The following CCDC50 variants were observed in gnomAD, a reference collection of about 807,000 sequenced individuals.
CCDC50 encodes the protein coiled-coil domain containing 50, also known as coiled-coil domain-containing protein 50.
In CCDC50, 54 loss-of-function variants were observed where a neutral mutation model predicts 70.2. That is an observed-to-expected ratio of 0.77 (90% CI 0.62 to 0.96). CCDC50 has a LOEUF of 0.96. Ranked by LOEUF, CCDC50 falls within the 50% of genes least tolerant of loss-of-function variation. The pLI, the probability that CCDC50 is intolerant of heterozygous loss-of-function variation, is 0.00. For missense variants in CCDC50, 558 were observed against 578.7 expected, an observed-to-expected ratio of 0.96 and a Z score of 0.37; for synonymous variants, 216 against 198.8, an observed-to-expected ratio of 1.09 and a Z score of -0.73.
At chr3:191,372,734 T>C (rs892738451) in intron 5 of CCDC50, among the ~76,000 whole-genome samples, 10 of 152,130 alleles carry the variant, frequency 6.6e-5, no homozygotes, top group African/African-American at 2.2e-4. Flanking sequence ...TCAAATGATA[T>C]ATATTATTTA....
chr3:191,356,356 A>G (rs1272960097), intron 1 of CCDC50, among the ~76,000 whole-genome samples: 1 of 152,178 alleles, frequency 6.6e-6, no homozygotes, highest in Non-Finnish European at 1.5e-5. Context: ...CAGGTCAGGA[A>G]ATGCCCTTGC....
In CCDC50 at chr3:191,380,745, T is replaced by G. The variant is rs1179824912; in HGVS notation, c.1137+14T>G. 1 of 1,612,324 alleles carries G rather than the reference T, an allele frequency of 6.2e-7. No homozygotes were observed. The highest frequency in any genetic ancestry group is 1.1e-5 in the South Asian group (1 of 90,970). On this transcript the variant is annotated intron_variant, in intron 8 of 11. Transcript: ENST00000392455. ...GCTCAAGATGAAGTAAGTTAATGAG[T>G]TTAGCTGATATTCTTTGGAAATATC...
rs560759329 is a variant in CCDC50 at position 191,354,347 on chromosome 3, T to A, written c.50-2741T>A. 2.0e-5 allele frequency among the ~76,000 whole-genome samples: 3 copies of A among 152,188 alleles called. No individual in the cohort carries two copies. In the South Asian group the frequency reaches 6.2e-4, roughly 31 times the overall value. On this transcript the variant is annotated intron_variant, in intron 1 of 11. Coordinates refer to ENST00000392455, the MANE Select transcript of CCDC50 (RefSeq NM_178335.3). The stretch of plus-strand genomic sequence containing the variant: ...AGTTAAGTTTGTGTCAGTGCCATAT[T>A]ATTAAAAAAATTTTTTTTAACCATA...
intron 9 of CCDC50, 55 bp downstream of exon 9, chr3:191,380,987 G>A: frequency 2.9e-6 from 4 of 1,392,142 alleles, no homozygotes; most frequent in Non-Finnish European, 4.0e-6. Context: ...AATGAAAAGG[G>A]GACTCTGCTT....
chr3:191,382,465 G>C (rs966445180), intron 9 of CCDC50, among the ~76,000 whole-genome samples: 2 of 152,122 alleles, frequency 1.3e-5, no homozygotes, highest in African/African-American at 4.8e-5. Flanking sequence ...TGTGTGTTCA[G>C]CCCATTCCTC....
intron 1 of CCDC50, among the ~76,000 whole-genome samples, chr3:191,330,054 G>A (rs2108623456): frequency 6.6e-6 from 1 of 151,998 alleles, no homozygotes; most frequent in Non-Finnish European, 1.5e-5. Context: ...GACTTACTCC[G>A]CTTCTAAAAA....
chr3:191,338,649 A>T (rs1309549162), intron 1 of CCDC50, among the ~76,000 whole-genome samples: 1 of 152,210 alleles, frequency 6.6e-6, no homozygotes, highest in Admixed American at 6.5e-5. Context: ...TCTTTGGTGG[A>T]TCCACAAATC....
At chr3:191,330,593 A>T (rs1717947775) in intron 1 of CCDC50, 1 of 151,846 alleles carries the variant, frequency 6.6e-6, no homozygotes, top group Non-Finnish European at 1.5e-5. Context: ...GCTGACGCAG[A>T]CCCCTAAGTT....
intron 1 of CCDC50, among the ~76,000 whole-genome samples, chr3:191,338,024 T>C (rs574720149): frequency 6.6e-6 from 1 of 152,198 alleles, no homozygotes; most frequent in Admixed American, 6.5e-5. Context: ...CAGGGGAGTC[T>C]CCCCTGGACT....
intron 10 of CCDC50, among the ~76,000 whole-genome samples, chr3:191,387,593 G>A (rs1713540287): frequency 1.3e-5 from 2 of 151,680 alleles, no homozygotes; most frequent in South Asian, 2.1e-4. Flanking sequence ...ATTCTAGATT[G>A]CTCTTAAGAA....
intron 6 of CCDC50, among the ~76,000 whole-genome samples, chr3:191,375,968 C>T (rs936319645): frequency 1.1e-4 from 17 of 152,110 alleles, no homozygotes; most frequent in African/African-American, 3.9e-4. Context: ...AGCTGATGAG[C>T]CTGTCTTGAT....
At chr3:191,374,823 T>C (rs754182572) in intron 5 of CCDC50, among the ~76,000 whole-genome samples, 10 of 152,218 alleles carry the variant, frequency 6.6e-5, no homozygotes, top group Non-Finnish European at 1.2e-4. Context: ...AGCTCTTCTT[T>C]CACATTTGTT....
intron 10 of CCDC50, among the ~76,000 whole-genome samples, chr3:191,388,543 A>G (rs148609291): frequency 6.6e-6 from 1 of 152,326 alleles, no homozygotes; most frequent in East Asian, 1.9e-4. Context: ...TTTATATCCC[A>G]TGCTGACCTC....
Position 191,367,459 on chromosome 3 carries a change from G to A in CCDC50, c.331-2460G>A, listed in dbSNP as rs1424239001. On this transcript the variant is annotated intron_variant, in intron 4 of 11. Coordinates refer to ENST00000392455, the MANE Select transcript of CCDC50 (RefSeq NM_178335.3). ...ATGTTAAAATGAATCTCTTTTCTCC[G>A]AATGTTAAAATGAATCTCTTTTCTC... is the stretch of plus-strand genomic sequence containing the variant. Among the ~76,000 whole-genome samples the A allele has an allele frequency of 3.9e-5, 6 of 151,944 alleles. No homozygotes were observed. In the South Asian group the frequency reaches 6.2e-4, roughly 16 times the overall value.
At chr3:191,366,868 T>G (rs534169167) in intron 4 of CCDC50, among the ~76,000 whole-genome samples, 29 of 152,176 alleles carry the variant, frequency 1.9e-4, no homozygotes, top group African/African-American at 6.0e-4. Context: ...AGGAGATTGT[T>G]TATATCAAAG....
chr3:191,361,566 C>T (rs1576960619), intron 4 of CCDC50, among the ~76,000 whole-genome samples: 1 of 152,280 alleles, frequency 6.6e-6, no homozygotes, highest in Middle Eastern at 3.4e-3. Context: ...CTTTGGCATT[C>T]CTTGGCTTGT....
chr3:191,364,056 T>C (rs1225561492), intron 4 of CCDC50, among the ~76,000 whole-genome samples: 1 of 151,668 alleles, frequency 6.6e-6, no homozygotes, highest in African/African-American at 2.4e-5. Context: ...TTGTGACTAA[T>C]GAACTCTCTT....
At chr3:191,351,164 G>A (rs1170351725) in intron 1 of CCDC50, among the ~76,000 whole-genome samples, 1 of 142,174 alleles carries the variant, frequency 7.0e-6, no homozygotes, top group African/African-American at 2.5e-5. Flanking sequence ...GAAACTTGCT[G>A]TAAATGAGCT....
In CCDC50 at chr3:191,395,656, G is replaced by A. The variant is rs1405918269; in HGVS notation, c.*3896G>A. The A allele has an allele frequency of 1.3e-5, 2 of 152,060 alleles. No individual in the cohort carries two copies. Among genetic ancestry groups the A allele is most frequent in the Non-Finnish European group, 2.9e-5 (2 of 67,986 alleles). The allele number at this position is 152,060 out of a possible 1,614,324, so 9.4% of individuals were successfully genotyped here. A position where few individuals can be genotyped will look rare whatever the true frequency, so the allele number is the denominator to read the frequency against. On this transcript the variant is annotated 3_prime_UTR_variant, in exon 12 of 12. Coordinates refer to ENST00000392455, the MANE Select transcript of CCDC50 (RefSeq NM_178335.3). ...AAGGCTTTTTCCCTTTTGAGAAGAC[G>A]GTATTTGTGTAAGGAGTGCTAAGGT... is the stretch of plus-strand genomic sequence containing the variant.
Sources: allele counts gnomAD v4.1 joint callset (sites outside exome capture counted in the v4.1 genomes callset), GRCh38; gene constraint gnomAD v4.1.1; transcripts MANE v1.5; gene names NCBI Gene and HGNC (gene_info 2026-07-23, HGNC 2026-07-21).